COL4A3: variants seen among roughly 807,000 people sequenced by gnomAD.
The protein encoded by COL4A3 is collagen alpha-3(IV) chain.
A neutral mutation model predicts 217.4 loss-of-function variants in COL4A3; 135 were observed. The observed-to-expected ratio is 0.62, with a 90% CI of 0.54 to 0.72. The LOEUF is 0.72. Among genes scored for constraint, COL4A3 ranks in the 30% least tolerant of loss-of-function variants. The pLI is 0.00. For synonymous variants in COL4A3, 690 were observed against 736.3 expected (o/e 0.94, Z 1.02); for missense variants, 1,868 against 2,119.9 (o/e 0.88, Z 2.33).
chr2:227,221,263 C>T (rs1460134245), intron 1 of COL4A3: 1 of 152,234 alleles, frequency 6.6e-6, no homozygotes, highest in East Asian at 1.9e-4. Flanking sequence ...TCCAAGCACC[C>T]TCCAGTCTTT....
intron 47 of COL4A3, among the ~76,000 whole-genome samples, 199 bp from the exon 48 acceptor site, chr2:227,307,511 A>T (rs1382252670): frequency 6.6e-6 from 1 of 152,238 alleles, no homozygotes; most frequent in East Asian, 1.9e-4. Context: ...ATACACAAAC[A>T]TTGATAAGAA....
intron 6 of COL4A3, 129 bp downstream of exon 6, chr2:227,246,145 A>C (rs1277240595): frequency 2.6e-6 from 2 of 755,338 alleles, no homozygotes; most frequent in Non-Finnish European, 4.7e-6. Context: ...CAACAGCATA[A>C]TTTGGAGGCA....
chr2:227,221,022 T>C (rs1296433906), intron 1 of COL4A3: 1 of 152,264 alleles, frequency 6.6e-6, no homozygotes, highest in South Asian at 2.1e-4. Context: ...AGGAGCTGGA[T>C]GCTTTTGTCC....
rs72977886 is a variant in COL4A3 at position 227,237,328 on chromosome 2, T to G, written c.88-640T>G. 9.7e-3 allele frequency among the ~76,000 whole-genome samples: 1,479 copies of G among 152,318 alleles called. 8 individuals are homozygous for G. Among genetic ancestry groups the G allele is most frequent in the Non-Finnish European group, 0.017 (1,160 of 68,026 alleles). ...ATTTAAGTCAAAGAAAACCTTAATATCACCTATGGAATATATTGCATATTA... is the reference window on the plus strand; with the variant it reads ...ATTTAAGTCAAAGAAAACCTTAATAGCACCTATGGAATATATTGCATATTA... On this transcript the variant is annotated intron_variant, in intron 1 of 51. Transcript: ENST00000396578.
intron 1 of COL4A3, among the ~76,000 whole-genome samples, chr2:227,174,288 C>T (rs924487304): frequency 2.6e-5 from 4 of 152,134 alleles, no homozygotes; most frequent in Non-Finnish European, 5.9e-5. Context: ...TGAAAACCAA[C>T]ACACCACACC....
intron 48 of COL4A3, among the ~76,000 whole-genome samples, chr2:227,308,400 G>C (rs2073601577): frequency 6.6e-6 from 1 of 152,102 alleles, no homozygotes; most frequent in African/African-American, 2.4e-5. Flanking sequence ...TTTCAGTAGA[G>C]ATGAGGTCTG....
intron 1 of COL4A3, among the ~76,000 whole-genome samples, chr2:227,210,881 GA>G (rs565575134): frequency 0.077 from 11,593 of 149,762 alleles, 645 homozygotes; most frequent in African/African-American, 0.16. Context: ...TGTTTGGGGG[GA>G]ACTCTATATA....
intron 48 of COL4A3, 91 bp downstream of exon 48, chr2:227,308,010 G>A: frequency 8.9e-7 from 1 of 1,123,470 alleles, no homozygotes; most frequent in South Asian, 1.3e-5. Context: ...GAAGTTAAGT[G>A]TAAATAACCT....
chr2:227,202,747 ATATAT>A (rs1273077812), intron 1 of COL4A3, among the ~76,000 whole-genome samples: 24 of 15,886 alleles, frequency 1.5e-3, no homozygotes, highest in Admixed American at 4.1e-3. Flanking sequence ...AAAAAAAAAA[ATATAT>A]ATATATATAT....
At chr2:227,177,755 G>T (rs151044072) in intron 1 of COL4A3, among the ~76,000 whole-genome samples, 2 of 152,276 alleles carry the variant, frequency 1.3e-5, no homozygotes, top group Non-Finnish European at 2.9e-5. Flanking sequence ...TCCCACTGGG[G>T]CGTGAATCAT....
At chr2:227,245,539 A>C (rs1261651982) in intron 5 of COL4A3, among the ~76,000 whole-genome samples, 1 of 152,180 alleles carries the variant, frequency 6.6e-6, no homozygotes, top group Non-Finnish European at 1.5e-5. Context: ...CAGGTGCTGA[A>C]GGAAACTATA....
At chr2:227,195,871 G>A (rs1457224734) in intron 1 of COL4A3, among the ~76,000 whole-genome samples, 1 of 150,856 alleles carries the variant, frequency 6.6e-6, no homozygotes, top group Non-Finnish European at 1.5e-5. Context: ...ACCGTGTATA[G>A]GCCTAGGCTA....
At chr2:227,293,737 T>C (rs946678759) in intron 38 of COL4A3, 1 of 470,970 alleles carries the variant, frequency 2.1e-6, no homozygotes, top group Non-Finnish European at 4.4e-6. Context: ...GTTTATTTTC[T>C]CACAGTTCCA....
At chr2:227,173,734 C>A (rs1054159279) in intron 1 of COL4A3, among the ~76,000 whole-genome samples, 1 of 152,024 alleles carries the variant, frequency 6.6e-6, no homozygotes, top group Non-Finnish European at 1.5e-5. Flanking sequence ...TTATTTATAC[C>A]AATACATCTG....
chr2:227,293,183 C>G lies in COL4A3; in HGVS notation c.3211-8C>G, dbSNP rs776294626. ...TGAGAATTTTAAAGGTATTTGACTACATTTAAGGGGGATCCAGGACTGCCG... is the reference window on the plus strand; with the variant it reads ...TGAGAATTTTAAAGGTATTTGACTAGATTTAAGGGGGATCCAGGACTGCCG... On this transcript the variant is annotated splice_polypyrimidine_tract_variant and splice_region_variant and intron_variant, in intron 37 of 51. Coordinates refer to ENST00000396578, the MANE Select transcript of COL4A3 (RefSeq NM_000091.5). The G allele has an allele frequency of 6.2e-7, 1 of 1,613,784 alleles. No individual in the cohort carries two copies. Among genetic ancestry groups the G allele is most frequent in the Non-Finnish European group, 8.5e-7 (1 of 1,179,976 alleles).
chr2:227,266,935 G>C (rs2070930181), intron 22 of COL4A3, 58 bp from the exon 23 acceptor site: 1 of 1,169,982 alleles, frequency 8.5e-7, no homozygotes, highest in South Asian at 1.2e-5. Flanking sequence ...GAAAATATTT[G>C]TTCTTTCTGA....
intron 31 of COL4A3, 26 bp downstream of exon 31, chr2:227,281,032 C>A: frequency 7.0e-7 from 1 of 1,430,678 alleles, no homozygotes; most frequent in Non-Finnish European, 9.6e-7. Context: ...CAAAACTGGC[C>A]ACCAGAAGGG....
chr2:227,282,464 A>T lies in COL4A3; in HGVS notation c.2588A>T (p.His863Leu), dbSNP rs2072045972. ...GETGSPGIPG[H>L]QGEMGPLGQR... ...ACTGGATCACCAGGAATTCCAGGTC[A>T]TCAAGGTGAAATGGGACCACTGGGT... Residue 863 changes from histidine to leucine, a missense_variant, in exon 32 of 52, where the codon CAT becomes CTT. This residue lies in a region of COL4A3 where 1,503 missense variants were observed against 1,786.1 expected (regional missense o/e 0.84). Transcript: ENST00000396578. This position sits in a 1 kb window ranked among gnomAD's most constrained non-coding sequence, Gnocchi z 4.4. 3 of 1,613,990 alleles carry T rather than the reference A, an allele frequency of 1.9e-6. No individual in the cohort carries two copies. The highest frequency in any genetic ancestry group is 2.5e-6 in the Non-Finnish European group (3 of 1,179,974).
chr2:227,227,279 CT>C (rs1177710543), intron 1 of COL4A3, among the ~76,000 whole-genome samples: 1 of 152,178 alleles, frequency 6.6e-6, no homozygotes, highest in African/African-American at 2.4e-5. Context: ...CCCCCAGTGC[CT>C]TGTGGCCAGC....
Sources: gnomAD v4.1 joint callset for allele counts (sites outside exome capture counted in the v4.1 genomes callset) on GRCh38, gnomAD v4.1.1 for gene constraint, gnomAD v4.1.1 regional missense constraint, Gnocchi (gnomAD v3.1) non-coding constraint, MANE v1.5 for transcripts, NCBI Gene and HGNC (gene_info 2026-07-23, HGNC 2026-07-21) for gene names.